C11orf71: variants seen among roughly 807,000 people sequenced by gnomAD.
C11orf71 encodes uncharacterized protein C11orf71.
For missense variants in C11orf71, 179 were observed against 167.6 expected, an observed-to-expected ratio of 1.07 and a Z score of -0.38; for synonymous variants, 72 against 73.4, an observed-to-expected ratio of 0.98 and a Z score of 0.09.
Position 114,399,704 on chromosome 11 carries a change from T to A in C11orf71, c.*256A>T. On this transcript the variant is annotated 3_prime_UTR_variant, in exon 1 of 1. Transcript: ENST00000623205. Reference sequence around the variant, plus strand: ...TTGACCTCTGGGGAGGGTGCTCCCATCAGCTCAGCTTTGTGACGACCTAAG... The same window carrying A: ...TTGACCTCTGGGGAGGGTGCTCCCAACAGCTCAGCTTTGTGACGACCTAAG... 1 of 484,378 alleles carries A rather than the reference T, an allele frequency of 2.1e-6. No homozygotes were observed. Among genetic ancestry groups the A allele is most frequent in the Non-Finnish European group, 3.6e-6 (1 of 281,328 alleles). 30.0% of individuals were successfully genotyped at this position (484,378 alleles called of 1,614,324 possible).
downstream of C11orf71, among the ~76,000 whole-genome samples, chr11:114,394,237 C>CTTTTCTTTTCTTTTCTTTTCTTTTCTT (rs1946104037): frequency 6.5e-5 from 3 of 45,990 alleles, no homozygotes; most frequent in Non-Finnish European, 1.0e-4. Context: ...TCTTTCTTTT[C>CTTTTCTTTTCTTTTCTTTTCTTTTCTT]TTTTCTTTTC....
In C11orf71 at chr11:114,399,106, TAATA is replaced by T. The variant is rs1946154046; in HGVS notation, c.*850_*853del. On this transcript the variant is annotated 3_prime_UTR_variant, in exon 1 of 1. Transcript: ENST00000623205. The stretch of plus-strand genomic sequence containing the variant: ...CAGTACTTATGTTTATTACTGTACC[TAATA>T]AACAGCCCAGCGTGGTGATTCCTAT... 2 of 151,454 alleles carry T rather than the reference TAATA, an allele frequency of 1.3e-5. No individual in the cohort carries two copies. The highest frequency in any genetic ancestry group is 6.6e-5 in the Admixed American group (1 of 15,252). The allele number at this position is 151,454 out of a possible 1,614,324, so 9.4% of individuals were successfully genotyped here.
chr11:114,392,546 A>G (rs1946080833), intron 1 of C11orf71, among the ~76,000 whole-genome samples: 1 of 148,114 alleles, frequency 6.8e-6, no homozygotes, highest in Non-Finnish European at 1.5e-5. Context: ...AAAAAAAAAA[A>G]AAAAGAAGAA....
chr11:114,399,992 C>A lies in C11orf71; in HGVS notation c.340G>T (p.Gly114Ter). 1 of 1,611,954 alleles carries A rather than the reference C, an allele frequency of 6.2e-7. No individual in the cohort carries two copies. Among genetic ancestry groups the A allele is most frequent in the East Asian group, 2.2e-5 (1 of 44,840 alleles). ...GAAATTCGAGCTGCGATAACACCTC[C>A]TAATGCAATCAAACGCTGTTGCAGC... ...SVLQQRLIAL[G>*]GVIAARISV Residue 114 changes from glycine to a stop codon, truncating the protein, a stop_gained, in exon 1 of 1, where the codon GGA becomes TGA. Transcript: ENST00000623205. LOFTEE classifies it low-confidence loss of function (END_TRUNC).
chr11:114,397,592 C>T (rs1946138947), downstream of C11orf71, among the ~76,000 whole-genome samples: 1 of 152,174 alleles, frequency 6.6e-6, no homozygotes, highest in African/African-American at 2.4e-5. Context: ...TATTATTCAA[C>T]CAAAGCCCTA....
At chr11:114,391,710 G>A in intron 1 of C11orf71, 1 of 841,468 alleles carries the variant, frequency 1.2e-6, no homozygotes, top group Non-Finnish European at 1.8e-6. Flanking sequence ...AGGGAGTGGT[G>A]GTAACCAAAA....
Position 114,400,303 on chromosome 11 carries a change from G to C in C11orf71, c.29C>G (p.Ser10Cys), listed in dbSNP as rs377553860. Reference protein sequence around the residue: MALNNVSLSSGDQRSRVAYR... With the variant: MALNNVSLSCGDQRSRVAYR... Reference sequence around the variant, plus strand: ...GGCCACCCTGCTCCTCTGATCACCGGAGGACAGGGACACATTGTTCAGGGC... The same window carrying C: ...GGCCACCCTGCTCCTCTGATCACCGCAGGACAGGGACACATTGTTCAGGGC... The change falls in exon 1 of 1, where the codon TCC (serine) becomes TGC (cysteine). Residue 10 changes from serine (S) to cysteine (C), a missense_variant. Coordinates refer to ENST00000623205, the MANE Select transcript of C11orf71 (RefSeq NM_001271562.2). 16 of 1,609,604 alleles carry C rather than the reference G, an allele frequency of 9.9e-6. No individual in the cohort carries two copies. The highest frequency in any genetic ancestry group is 1.7e-5 in the Admixed American group (1 of 59,464).
Position 114,400,195 on chromosome 11 carries a change from GGCCTGGAAACGAGGAA to G in C11orf71, c.121_136del (p.Phe41LeufsTer6). 6.2e-7 allele frequency: 1 copy of G among 1,613,600 alleles called. No homozygotes were observed. ...CCGAGGTCCTAGATGAATCGCTTCA[GGCCTGGAAACGAGGAA>G]GCCGTCTCCGGAGACCATCGCCAAC... On this transcript the variant is annotated frameshift_variant, in exon 1 of 1. Coordinates refer to ENST00000623205, the MANE Select transcript of C11orf71 (RefSeq NM_001271562.2). LOFTEE classifies it low-confidence loss of function (END_TRUNC).
chr11:114,396,548 A>G (rs1297105140), downstream of C11orf71, among the ~76,000 whole-genome samples: 1 of 152,378 alleles, frequency 6.6e-6, no homozygotes, highest in East Asian at 1.9e-4. Flanking sequence ...AACAGGCTAC[A>G]TGTCCAGGTA....
Position 114,399,566 on chromosome 11 carries a change from G to A in C11orf71, c.*394C>T, listed in dbSNP as rs1459182302. The A allele has an allele frequency of 5.9e-6, 1 of 169,610 alleles. No homozygotes were observed. The highest frequency in any genetic ancestry group is 1.3e-5 in the Non-Finnish European group (1 of 78,704). 10.5% of individuals were successfully genotyped at this position (169,610 alleles called of 1,614,324 possible). On this transcript the variant is annotated 3_prime_UTR_variant, in exon 1 of 1. Transcript: ENST00000623205. Reference sequence around the variant, plus strand: ...AAAGTGAAGGGGGAGATGGAAGATGGTAAATGCCAAGGAAAAGATGGAAGG... The same window carrying A: ...AAAGTGAAGGGGGAGATGGAAGATGATAAATGCCAAGGAAAAGATGGAAGG...
chr11:114,394,249 T>TCTC (rs1946105607), downstream of C11orf71, among the ~76,000 whole-genome samples: 1 of 61,052 alleles, frequency 1.6e-5, no homozygotes, highest in African/African-American at 1.3e-4. Context: ...TTTCTTTTCT[T>TCTC]TTCTTTTCTT....
chr11:114,392,944 C>T (rs1946084514), intron 1 of C11orf71, among the ~76,000 whole-genome samples: 1 of 152,176 alleles, frequency 6.6e-6, no homozygotes. Flanking sequence ...CAAACTAAGG[C>T]CTGAAGGCTA....
Position 114,399,813 on chromosome 11 carries a change from G to T in C11orf71, c.*147C>A. Reference sequence around the variant, plus strand: ...TCAATCAACTGTTACACTTCCCTTAGTGCTAGGACATATTCATATAACTCC... The same window carrying T: ...TCAATCAACTGTTACACTTCCCTTATTGCTAGGACATATTCATATAACTCC... On this transcript the variant is annotated 3_prime_UTR_variant, in exon 1 of 1. Transcript: ENST00000623205. 1 of 1,149,940 alleles carries T rather than the reference G, an allele frequency of 8.7e-7. No individual in the cohort carries two copies. Among genetic ancestry groups the T allele is most frequent in the Admixed American group, 3.0e-5 (1 of 33,210 alleles). The allele number at this position is 1,149,940 out of a possible 1,614,324, so 71.2% of individuals were successfully genotyped here.
At position 114,399,627 on chromosome 11, in the gene C11orf71, C is replaced by G; in HGVS notation, c.*333G>C. 1 of 229,940 alleles carries G rather than the reference C, an allele frequency of 4.3e-6. No homozygotes were observed. The highest frequency in any genetic ancestry group is 8.6e-6 in the Non-Finnish European group (1 of 116,870). 14.2% of individuals were successfully genotyped at this position (229,940 alleles called of 1,614,324 possible). A position where few individuals can be genotyped will look rare whatever the true frequency, so the allele number is the denominator to read the frequency against. On this transcript the variant is annotated 3_prime_UTR_variant, in exon 1 of 1. Transcript: ENST00000623205. ...GTAATAAAAAGGAGCACTTCTTTTT[C>G]GCCAACAGAAGTAAAGGTAAAGGTT...
chr11:114,391,523 T>G (rs998101370), exon 2 of C11orf71: 2 of 1,199,454 alleles, frequency 1.7e-6, no homozygotes, highest in African/African-American at 1.5e-5. Flanking sequence ...ATATCCAATT[T>G]TTATCTTAAA....
In C11orf71 at chr11:114,400,066, A is replaced by G; in HGVS notation, c.266T>C (p.Phe89Ser). The G allele has an allele frequency of 6.2e-7, 1 of 1,614,016 alleles. No individual in the cohort carries two copies. The highest frequency in any genetic ancestry group is 8.5e-7 in the Non-Finnish European group (1 of 1,179,882). The change falls in exon 1 of 1, where the codon TTC becomes TCC. Residue 89 changes from phenylalanine to serine, a missense_variant. Transcript: ENST00000623205. ...DGRGRSRQAR[F>S]SPYPIPAVEP... ...AACGGCAGGGATTGGGTAAGGTGAG[A>G]ATCTGGCTTGGCGGCTCCGGCCCCG...
chr11:114,394,205 TTTCTTTTCTTTTC>T (rs1289567705), downstream of C11orf71, among the ~76,000 whole-genome samples: 11 of 51,422 alleles, frequency 2.1e-4, no homozygotes, highest in South Asian at 6.0e-4. Flanking sequence ...TTTCTTTTCT[TTTCTTTTCTTTTC>T]TTTTCTTTTC....
chr11:114,394,189 T>TTTTCC (rs1565256334), downstream of C11orf71, among the ~76,000 whole-genome samples: 50 of 43,706 alleles, frequency 1.1e-3, 2 homozygotes, highest in African/African-American at 4.6e-3. Flanking sequence ...GTTTCTTTTC[T>TTTTCC]TTTCTTTTCT....
chr11:114,392,294 T>C (rs144193716), intron 1 of C11orf71, among the ~76,000 whole-genome samples: 37 of 151,892 alleles, frequency 2.4e-4, no homozygotes, highest in African/African-American at 8.7e-4. Context: ...TCGCAACACT[T>C]TGGGAGGCCG....
Sources: gnomAD v4.1 joint callset for allele counts (sites outside exome capture counted in the v4.1 genomes callset) on GRCh38, gnomAD v4.1.1 for gene constraint, MANE v1.5 for transcripts, NCBI Gene and HGNC (gene_info 2026-07-23, HGNC 2026-07-21) for gene names.